BMAL2: variants seen among roughly 807,000 people sequenced by gnomAD.
BMAL2 encodes basic helix-loop-helix ARNT like 2.
chr12:27,401,361 C>T, the BMAL2 span: 2 of 1,612,244 alleles, frequency 1.2e-6, no homozygotes, highest in Non-Finnish European at 1.7e-6. Flanking sequence ...AAGCACAAAG[C>T]AGGTAGGTAT....
the BMAL2 span, among the ~76,000 whole-genome samples, chr12:27,334,864 G>A: frequency 6.6e-6 from 1 of 152,220 alleles, no homozygotes; most frequent in African/African-American, 2.4e-5. Flanking sequence ...GCGTTGTGAG[G>A]TAGGTAGTAT....
At chr12:27,405,978 G>A in the BMAL2 span, among the ~76,000 whole-genome samples, 1 of 152,196 alleles carries the variant, frequency 6.6e-6, no homozygotes, top group Admixed American at 6.5e-5. Flanking sequence ...CGATCAACTG[G>A]AAGAAAGGGT....
the BMAL2 span, chr12:27,368,326 G>A: frequency 1.2e-6 from 2 of 1,614,082 alleles, no homozygotes; most frequent in South Asian, 1.1e-5. Flanking sequence ...TGAGTCCAGG[G>A]ACAAGACCAA....
chr12:27,402,647 T>C, the BMAL2 span: 4 of 1,612,736 alleles, frequency 2.5e-6, no homozygotes, highest in East Asian at 6.7e-5. Flanking sequence ...AGAAGCATCA[T>C]TTTTACCTTG....
the BMAL2 span, among the ~76,000 whole-genome samples, chr12:27,371,254 G>A: frequency 6.6e-6 from 1 of 152,168 alleles, no homozygotes; most frequent in African/African-American, 2.4e-5. Context: ...AGGCAGAGGC[G>A]GGAAGATCTC....
At chr12:27,388,829 A>G in the BMAL2 span, among the ~76,000 whole-genome samples, 1 of 152,212 alleles carries the variant, frequency 6.6e-6, no homozygotes, top group Non-Finnish European at 1.5e-5. Flanking sequence ...TCTATATTAT[A>G]CTATGATGTA....
the BMAL2 span, chr12:27,401,162 C>A: frequency 1.0e-6 from 1 of 966,416 alleles, no homozygotes; most frequent in South Asian, 1.4e-5. Context: ...CTACCCTGTG[C>A]ACTTCTTTAC....
chr12:27,369,485 T>C, the BMAL2 span, among the ~76,000 whole-genome samples: 1 of 152,204 alleles, frequency 6.6e-6, no homozygotes. Flanking sequence ...TCTATTCCCT[T>C]AGTCTCTTCC....
At chr12:27,420,531 A>G in the BMAL2 span, 1 of 1,557,688 alleles carries the variant, frequency 6.4e-7, no homozygotes, top group South Asian at 1.2e-5. Flanking sequence ...TGGACCCTCT[A>G]GCCTTTGATT....
chr12:27,389,265 T>G, the BMAL2 span: 1 of 1,609,804 alleles, frequency 6.2e-7, no homozygotes, highest in Non-Finnish European at 8.5e-7. Context: ...CTTTTGATAT[T>G]TCACCAAGAG....
chr12:27,416,130 G>A, the BMAL2 span, among the ~76,000 whole-genome samples: 12,707 of 152,164 alleles, frequency 0.084, 554 homozygotes, highest in South Asian at 0.13. Context: ...TGCTGGAAGC[G>A]TAGTATCTGA....
At chr12:27,400,819 T>C in the BMAL2 span, 1 of 1,517,634 alleles carries the variant, frequency 6.6e-7, no homozygotes, top group Non-Finnish European at 8.9e-7. Flanking sequence ...ATGGGATATT[T>C]GAAGCTATTA....
the BMAL2 span, among the ~76,000 whole-genome samples, chr12:27,386,064 G>A: frequency 4.0e-5 from 6 of 151,800 alleles, no homozygotes; most frequent in Non-Finnish European, 8.8e-5. Context: ...TAAATGTCTT[G>A]GTCATGTGCT....
At chr12:27,415,966 G>T in the BMAL2 span, 8 of 1,461,590 alleles carry the variant, frequency 5.5e-6, no homozygotes, top group East Asian at 2.3e-5. Flanking sequence ...ACTTGTAAAT[G>T]ATAATATTCA....
At chr12:27,414,852 A>C in the BMAL2 span, among the ~76,000 whole-genome samples, 1 of 152,174 alleles carries the variant, frequency 6.6e-6, no homozygotes, top group African/African-American at 2.4e-5. Context: ...GTTTTTGAAA[A>C]ATAAAATTGA....
chr12:27,406,990 CAAAG>C, the BMAL2 span, among the ~76,000 whole-genome samples: 850 of 152,202 alleles, frequency 5.6e-3, 10 homozygotes, highest in African/African-American at 0.019. Flanking sequence ...TCAAAAGAGA[CAAAG>C]AAGGCCATTA....
chr12:27,370,641 T>C, the BMAL2 span, among the ~76,000 whole-genome samples: 1 of 152,126 alleles, frequency 6.6e-6, no homozygotes, highest in Non-Finnish European at 1.5e-5. Flanking sequence ...AGTCTCACTC[T>C]GTCGCCAGGC....
At chr12:27,407,513 A>C in the BMAL2 span, among the ~76,000 whole-genome samples, 1 of 152,232 alleles carries the variant, frequency 6.6e-6, no homozygotes, top group Non-Finnish European at 1.5e-5. Flanking sequence ...TAATGAAATG[A>C]AGGCAGAAAT....
the BMAL2 span, among the ~76,000 whole-genome samples, chr12:27,373,082 AAAG>A: frequency 6.6e-6 from 1 of 152,204 alleles, no homozygotes; most frequent in Admixed American, 6.5e-5. Flanking sequence ...GGATGAGCTG[AAAG>A]AAGAAGACCC....
Sources: gnomAD v4.1 joint callset for allele counts (sites outside exome capture counted in the v4.1 genomes callset) on GRCh38, gnomAD v4.1.1 for gene constraint, MANE v1.5 for transcripts, NCBI Gene and HGNC (gene_info 2026-07-23, HGNC 2026-07-21) for gene names.